ASTN2: variants seen among roughly 807,000 people sequenced by gnomAD.
ASTN2 encodes astrotactin-2.
A neutral mutation model predicts 139.8 loss-of-function variants in ASTN2; 54 were observed. The observed-to-expected ratio is 0.39, with a 90% CI of 0.31 to 0.48. The LOEUF (loss-of-function observed/expected upper bound fraction) is 0.48. Among genes scored for constraint, ASTN2 ranks in the 20% least tolerant of loss-of-function variants. The probability of loss-of-function intolerance (pLI) is 0.95; values close to 1 mark genes in which losing one functional copy is unlikely to be tolerated. For missense variants in ASTN2, 1,565 were observed against 1,725.1 expected (o/e 0.91, Z 1.64); for synonymous variants, 756 against 719.5 (o/e 1.05, Z -0.81).
At chr9:116,616,861 C>T (rs1158228305) in intron 19 of ASTN2, among the ~76,000 whole-genome samples, 1 of 152,030 alleles carries the variant, frequency 6.6e-6, no homozygotes, top group East Asian at 1.9e-4. Flanking sequence ...ATAAAAATAA[C>T]GTACATACAG....
At chr9:116,439,840 C>T (rs548138587) in intron 22 of ASTN2, among the ~76,000 whole-genome samples, 8 of 152,318 alleles carry the variant, frequency 5.3e-5, no homozygotes, top group South Asian at 2.1e-4. Context: ...GCTATCATGA[C>T]GCTTATTATT....
intron 1 of ASTN2, among the ~76,000 whole-genome samples, chr9:117,303,651 T>C (rs1395226064): frequency 1.3e-5 from 2 of 152,238 alleles, no homozygotes; most frequent in Non-Finnish European, 2.9e-5. Flanking sequence ...TTTTTCACTG[T>C]TCTCTGTTTC....
intron 2 of ASTN2, among the ~76,000 whole-genome samples, chr9:117,267,454 C>T (rs374623404): frequency 1.3e-5 from 2 of 152,300 alleles, no homozygotes. Flanking sequence ...TGACCACAGA[C>T]ACTCAGCAGT....
rs145152892 is a variant in ASTN2 at position 116,425,925 on chromosome 9, C to T, written c.3946G>A (p.Asp1316Asn). 1 of 1,614,176 alleles carries T rather than the reference C, an allele frequency of 6.2e-7. No homozygotes were observed. The highest frequency in any genetic ancestry group is 1.3e-5 in the African/African-American group (1 of 75,054). ...AGMVWYSILK[D>N]TKITCEEKMV... ...TTCTCCTCACACGTGATTTTGGTGTCCTTGAGGATGCTATACCACACCATG... is the reference window on the plus strand; with the variant it reads ...TTCTCCTCACACGTGATTTTGGTGTTCTTGAGGATGCTATACCACACCATG... Residue 1316 changes from aspartate to asparagine, a missense_variant, in exon 23 of 23, where the codon GAC becomes AAC. By Grantham distance (23) the Asp-to-Asn change is conservative. Coordinates refer to ENST00000313400, the MANE Select transcript of ASTN2 (RefSeq NM_001365068.1).
chr9:116,537,424 T>A (rs901502550), intron 19 of ASTN2, among the ~76,000 whole-genome samples: 1 of 152,256 alleles, frequency 6.6e-6, no homozygotes, highest in Non-Finnish European at 1.5e-5. Context: ...GACAGTTTAT[T>A]TCTGACAATT....
At chr9:116,625,042 CTCT>C (rs767952554) in intron 17 of ASTN2, among the ~76,000 whole-genome samples, 4 of 152,118 alleles carry the variant, frequency 2.6e-5, no homozygotes, top group Non-Finnish European at 4.4e-5. Context: ...GTTTGTGATC[CTCT>C]TCTTCCCCAG....
Position 116,881,759 on chromosome 9 carries a change from C to T in ASTN2, c.1890-18026G>A, listed in dbSNP as rs72755603. Among the ~76,000 whole-genome samples, 537 of 152,276 alleles carry T rather than the reference C, an allele frequency of 3.5e-3. 4 individuals carry two copies. The highest frequency in any genetic ancestry group is 0.015 in the Admixed American group (229 of 15,290). On this transcript the variant is annotated intron_variant, in intron 10 of 22. Coordinates refer to ENST00000313400, the MANE Select transcript of ASTN2 (RefSeq NM_001365068.1). ...CAATTGCCTACAAAGAGTTGGTTTC[C>T]GTAATGGAAATCATAGGCAGCAACA...
chr9:117,069,314 C>T (rs1378468154), intron 5 of ASTN2, among the ~76,000 whole-genome samples: 12 of 108,626 alleles, frequency 1.1e-4, no homozygotes, highest in Middle Eastern at 3.8e-3. Context: ...TGTAGTTGAG[C>T]GGCTTTGAGT....
rs991094959 is a variant in ASTN2 at position 117,214,368 on chromosome 9, A to G, written c.1005T>C (p.Phe335=). 27 of 1,585,032 alleles carry G rather than the reference A, an allele frequency of 1.7e-5. No homozygotes were observed. The highest frequency in any genetic ancestry group is 2.2e-5 in the Non-Finnish European group (25 of 1,157,612). ...LGHPGEEKVD[F]EKKAAAEATQ... ...ACATGGAGGACTCACCTTTCTTCTC[A>G]AAGTCCACCTTCTCTTCCCCTGGAT... Residue 335 remains phenylalanine (F), a synonymous_variant, in exon 3 of 23, where the codon TTT becomes TTC. Transcript: ENST00000313400.
At chr9:116,474,215 A>C (rs1848907134) in intron 20 of ASTN2, among the ~76,000 whole-genome samples, 1 of 152,160 alleles carries the variant, frequency 6.6e-6, no homozygotes, top group African/African-American at 2.4e-5. Context: ...CTAGTACCAG[A>C]GAGCAGCAGG....
intron 10 of ASTN2, among the ~76,000 whole-genome samples, chr9:116,910,875 G>C (rs1834291248): frequency 6.6e-6 from 1 of 152,192 alleles, no homozygotes; most frequent in Non-Finnish European, 1.5e-5. Context: ...AGAGTGAGCG[G>C]ACTGGGATTC....
intron 3 of ASTN2, among the ~76,000 whole-genome samples, chr9:117,197,989 A>G (rs749579899): frequency 8.0e-6 from 1 of 124,280 alleles, no homozygotes; most frequent in Non-Finnish European, 2.0e-5. Flanking sequence ...GGCTGTTTTT[A>G]AGATTTTTTT....
chr9:116,795,098 T>G (rs1830656828), intron 13 of ASTN2, among the ~76,000 whole-genome samples: 1 of 152,210 alleles, frequency 6.6e-6, no homozygotes, highest in Admixed American at 6.5e-5. Context: ...GGCCTCAGCC[T>G]CCCATGTAGC....
intron 16 of ASTN2, among the ~76,000 whole-genome samples, chr9:116,701,932 A>C (rs1455805343): frequency 6.6e-6 from 1 of 150,798 alleles, no homozygotes; most frequent in East Asian, 1.9e-4. Flanking sequence ...CCTTGTCCAA[A>C]TAAAGTCTTA....
chr9:116,460,782 C>A (rs1385779266), intron 20 of ASTN2, among the ~76,000 whole-genome samples: 2 of 152,106 alleles, frequency 1.3e-5, no homozygotes, highest in African/African-American at 4.8e-5. Flanking sequence ...AGTACTTGGT[C>A]TCCTCCAGCC....
chr9:116,795,467 G>T (rs1830665881), intron 13 of ASTN2, among the ~76,000 whole-genome samples: 1 of 152,330 alleles, frequency 6.6e-6, no homozygotes, highest in South Asian at 2.1e-4. Context: ...CCCTATAAGG[G>T]ACAGGTGACA....
intron 12 of ASTN2, among the ~76,000 whole-genome samples, chr9:116,808,884 C>T (rs559646061): frequency 5.3e-5 from 8 of 152,270 alleles, no homozygotes; most frequent in Non-Finnish European, 8.8e-5. Context: ...TTGCATTTCC[C>T]TTGTTACTGA....
At chr9:116,866,872 G>A (rs1233262735) in intron 10 of ASTN2, among the ~76,000 whole-genome samples, 1 of 134,884 alleles carries the variant, frequency 7.4e-6, no homozygotes, top group African/African-American at 2.8e-5. Flanking sequence ...TAGCCTAGGT[G>A]ACACAGCGAG....
chr9:117,194,715 T>C (rs1051690495), intron 3 of ASTN2, among the ~76,000 whole-genome samples: 3 of 152,358 alleles, frequency 2.0e-5, no homozygotes, highest in South Asian at 4.1e-4. Flanking sequence ...CTCCAGCACA[T>C]GCTTGGACTT....
Sources: allele counts gnomAD v4.1 joint callset (sites outside exome capture counted in the v4.1 genomes callset), GRCh38; gene constraint gnomAD v4.1.1; transcripts MANE v1.5; gene names NCBI Gene and HGNC (gene_info 2026-07-23, HGNC 2026-07-21).